SV2B: variants seen among roughly 807,000 people sequenced by gnomAD.
SV2B encodes solute carrier family 22 member B2.
Under a neutral mutation model 73.9 loss-of-function variants are expected in SV2B, and 41 were observed. The observed-to-expected ratio is 0.56, with a 90% CI of 0.43 to 0.72. SV2B has a LOEUF of 0.72. Ranked by LOEUF, SV2B falls within the 30% of genes least tolerant of loss-of-function variation. SV2B has a pLI of 0.00. For synonymous variants in SV2B, 314 were observed against 314.2 expected (o/e 1.00, Z 0.01); for missense variants, 764 against 857.8 (o/e 0.89, Z 1.37).
rs1359782676 is a variant in SV2B, at chr15:91,252,426, G to C, written c.690G>C (p.Glu230Asp). ...FAYFSEFLSR[E>D]KRGEHLSWLG... ...ATTTTTCTGAATTCTTGTCTCGGGAGAAGCGAGGAGAACACCTCAGTTGGC... is the reference window on the plus strand; with the variant it reads ...ATTTTTCTGAATTCTTGTCTCGGGACAAGCGAGGAGAACACCTCAGTTGGC... The change falls in exon 4 of 13, where the codon GAG (glutamate) becomes GAC (aspartate). Residue 230 changes from glutamate to aspartate, a missense_variant. Coordinates refer to ENST00000394232, the MANE Select transcript of SV2B (RefSeq NM_001323032.3). This position sits in a 1 kb window ranked among gnomAD's most constrained non-coding sequence, Gnocchi z 4.6. The C allele has an allele frequency of 6.2e-7, 1 of 1,613,716 alleles. No individual in the cohort carries two copies. Among genetic ancestry groups the C allele is most frequent in the Non-Finnish European group, 8.5e-7 (1 of 1,179,806 alleles).
At chr15:91,152,681 G>A (rs925598110) in intron 1 of SV2B, among the ~76,000 whole-genome samples, 1 of 152,050 alleles carries the variant, frequency 6.6e-6, no homozygotes, top group Admixed American at 6.5e-5. Flanking sequence ...TTTGGCTTGT[G>A]TTACCTTTAA....
intron 1 of SV2B, among the ~76,000 whole-genome samples, chr15:91,177,115 G>A (rs990136263): frequency 4.0e-5 from 6 of 150,204 alleles, no homozygotes; most frequent in Non-Finnish European, 7.4e-5. Context: ...CATATGGCTA[G>A]CCAGTTTTCC....
Position 91,123,486 on chromosome 15 carries a change from G to GTA in SV2B, c.-392+23124_-392+23125dup, listed in dbSNP as rs1170069456. Among the ~76,000 whole-genome samples the GTA allele has an allele frequency of 1.3e-5, 2 of 152,076 alleles. No homozygotes were observed. The highest frequency in any genetic ancestry group is 2.9e-5 in the Non-Finnish European group (2 of 68,010). ...AGAGCTTGAGGAAGATACAGTGTAG[G>GTA]TAGGCCATAAAACCACAGAGCCTGC... On this transcript the variant is annotated intron_variant, in intron 1 of 12. Transcript: ENST00000394232. This position sits in a 1 kb window ranked among gnomAD's most constrained non-coding sequence, Gnocchi z 4.7.
intron 1 of SV2B, among the ~76,000 whole-genome samples, chr15:91,103,895 A>G (rs976251539): frequency 2.0e-5 from 3 of 152,218 alleles, no homozygotes; most frequent in Non-Finnish European, 4.4e-5. Context: ...GGGCCACGTC[A>G]CAGTGACCTT....
intron 1 of SV2B, among the ~76,000 whole-genome samples, chr15:91,177,101 T>C (rs1481681422): frequency 6.7e-6 from 1 of 149,488 alleles, no homozygotes; most frequent in South Asian, 2.1e-4. Context: ...GTTTCAGCTT[T>C]CAACATATGG....
intron 1 of SV2B, among the ~76,000 whole-genome samples, chr15:91,221,398 A>G (rs144091608): frequency 6.6e-6 from 1 of 152,290 alleles, no homozygotes; most frequent in East Asian, 1.9e-4. Flanking sequence ...CTCTAAGACC[A>G]GAGTCACTGT....
At chr15:91,174,460 T>A (rs1317752466) in intron 1 of SV2B, among the ~76,000 whole-genome samples, 2 of 148,786 alleles carry the variant, frequency 1.3e-5, no homozygotes, top group African/African-American at 5.1e-5. Context: ...TGTTGAATGC[T>A]GTGTTATCCT....
intron 1 of SV2B, among the ~76,000 whole-genome samples, chr15:91,161,944 G>A (rs976647005): frequency 6.6e-6 from 1 of 152,182 alleles, no homozygotes; most frequent in Non-Finnish European, 1.5e-5. Context: ...AAAAATGACA[G>A]GAGGCAAAGA....
intron 1 of SV2B, among the ~76,000 whole-genome samples, chr15:91,222,176 C>T (rs573168844): frequency 1.3e-5 from 2 of 152,264 alleles, no homozygotes; most frequent in South Asian, 2.1e-4. Context: ...ATCCCTCCTT[C>T]CTTTGGAACC....
Position 91,292,830 on chromosome 15 carries a change from G to C in SV2B, c.*278G>C. The C allele has an allele frequency of 9.6e-6, 3 of 311,198 alleles. No homozygotes were observed. The highest frequency in any genetic ancestry group is 1.2e-5 in the Non-Finnish European group (2 of 169,922). The allele number at this position is 311,198 out of a possible 1,614,324, so 19.3% of individuals were successfully genotyped here. On this transcript the variant is annotated 3_prime_UTR_variant, in exon 13 of 13. Transcript: ENST00000394232. ...GCAGGGAGAGGATTCTCCAGTGAGT[G>C]CACACACTATGCGAGGAGCAAGCAT...
At position 91,136,284 on chromosome 15, in the gene SV2B, C is replaced by T. The variant is rs753657540; in HGVS notation, c.-392+35921C>T. ...GCATAGGTATAAACCTCAGATTAGT[C>T]GGGAGAGAGCGGCCGACCTCAGCAG... On this transcript the variant is annotated intron_variant, in intron 1 of 12. Coordinates refer to ENST00000394232, the MANE Select transcript of SV2B (RefSeq NM_001323032.3). The surrounding 1 kb of genome is among the most constrained non-coding windows in gnomAD (Gnocchi z 5.6). Among the ~76,000 whole-genome samples the T allele has an allele frequency of 1.3e-5, 2 of 152,086 alleles. No homozygotes were observed. Among genetic ancestry groups the T allele is most frequent in the African/African-American group, 2.4e-5 (1 of 41,416 alleles).
chr15:91,292,756 C>T lies in SV2B; in HGVS notation c.*204C>T. On this transcript the variant is annotated 3_prime_UTR_variant, in exon 13 of 13. Transcript: ENST00000394232. ...TGATTTGGGGGTGCCCTGAGCCACC[C>T]TTAGAATCACAGAGCTGCGTGTTTA... 1.9e-6 allele frequency: 1 copy of T among 536,854 alleles called. No homozygotes were observed. 33.3% of individuals were successfully genotyped at this position (536,854 alleles called of 1,614,324 possible). A position where few individuals can be genotyped will look rare whatever the true frequency, so the allele number is the denominator to read the frequency against.
At chr15:91,207,898 A>G (rs1359579858) in intron 1 of SV2B, among the ~76,000 whole-genome samples, 1 of 152,208 alleles carries the variant, frequency 6.6e-6, no homozygotes, top group Non-Finnish European at 1.5e-5. Flanking sequence ...GATACCTGTC[A>G]CAGGAGGGCC....
Position 91,128,431 on chromosome 15 carries a change from C to T in SV2B, c.-392+28068C>T, listed in dbSNP as rs2042548625. ...TTCCACCCCGCAAACCCTCACCTGG[C>T]TGAATATGAGATCCCTACATTGCTA... On this transcript the variant is annotated intron_variant, in intron 1 of 12. Transcript: ENST00000394232. This position sits in a 1 kb window ranked among gnomAD's most constrained non-coding sequence, Gnocchi z 4.2. Among the ~76,000 whole-genome samples, 1 of 152,164 alleles carries T rather than the reference C, an allele frequency of 6.6e-6. No homozygotes were observed. The highest frequency in any genetic ancestry group is 1.5e-5 in the Non-Finnish European group (1 of 68,028).
chr15:91,182,029 T>G (rs1193152318), intron 1 of SV2B, among the ~76,000 whole-genome samples: 1 of 152,174 alleles, frequency 6.6e-6, no homozygotes, highest in Non-Finnish European at 1.5e-5. Flanking sequence ...TCTTTTGTTT[T>G]AAAATACACA....
intron 4 of SV2B, among the ~76,000 whole-genome samples, chr15:91,255,052 C>A (rs532594765): frequency 6.6e-6 from 1 of 152,264 alleles, no homozygotes; most frequent in East Asian, 1.9e-4. Flanking sequence ...AGGGTCAGTC[C>A]CACCCAAACC....
Position 91,284,587 on chromosome 15 carries a change from T to C in SV2B, c.1708+366T>C, listed in dbSNP as rs1256118072. On this transcript the variant is annotated intron_variant, in intron 11 of 12. Transcript: ENST00000394232. The surrounding 1 kb of genome is among the most constrained non-coding windows in gnomAD (Gnocchi z 4.5). Reference sequence around the variant, plus strand: ...ATGCTCCTGGGTGATGGTTTGATGTTTGAAGATAAATTGTGTTACTTTTAT... The same window carrying C: ...ATGCTCCTGGGTGATGGTTTGATGTCTGAAGATAAATTGTGTTACTTTTAT... 2.0e-5 allele frequency among the ~76,000 whole-genome samples: 3 copies of C among 152,234 alleles called. No individual in the cohort carries two copies. The highest frequency in any genetic ancestry group is 4.4e-5 in the Non-Finnish European group (3 of 68,042).
intron 6 of SV2B, among the ~76,000 whole-genome samples, chr15:91,263,563 GACACAC>G: frequency 6.8e-6 from 1 of 146,342 alleles, no homozygotes; most frequent in East Asian, 2.0e-4. Flanking sequence ...CAGACACAGA[GACACAC>G]ACAGACACAG....
At chr15:91,109,544 CT>C (rs1330958880) in intron 1 of SV2B, among the ~76,000 whole-genome samples, 3 of 152,132 alleles carry the variant, frequency 2.0e-5, no homozygotes, top group Admixed American at 6.5e-5. Flanking sequence ...GATAAATGAG[CT>C]GTCTATCATT....
Sources: gnomAD v4.1 joint callset for allele counts (sites outside exome capture counted in the v4.1 genomes callset) on GRCh38, gnomAD v4.1.1 for gene constraint, Gnocchi (gnomAD v3.1) non-coding constraint, MANE v1.5 for transcripts, NCBI Gene and HGNC (gene_info 2026-07-23, HGNC 2026-07-21) for gene names.